The following SPIRE2 variants were observed in gnomAD, a reference collection of about 807,000 sequenced individuals.
SPIRE2 encodes the protein spire type actin nucleation factor 2.
SPIRE2 carries 76 observed loss-of-function variants against 80.7 expected under a neutral mutation model. The observed-to-expected ratio is 0.94, with a 90% CI of 0.78 to 1.14. The LOEUF is 1.14. SPIRE2 is among the 50% of genes most tolerant of loss of function. The pLI is 0.00. For missense variants in SPIRE2, 1,196 were observed against 1,015.3 expected (o/e 1.18, Z -2.42); for synonymous variants, 535 against 432.6 (o/e 1.24, Z -2.94).
chr16:89,842,199 G>C (rs2041512213), intron 1 of SPIRE2, among the ~76,000 whole-genome samples: 1 of 105,892 alleles, frequency 9.4e-6, no homozygotes, highest in South Asian at 3.3e-4. Flanking sequence ...TTAGATTCAT[G>C]AACACGTAAT....
intron 5 of SPIRE2, 87 bp from the exon 6 acceptor site, chr16:89,855,504 AGACCAGGCT>A (rs1180274745): frequency 1.6e-5 from 17 of 1,093,778 alleles, no homozygotes; most frequent in Non-Finnish European, 2.2e-5. Flanking sequence ...GTAGGTGCGA[AGACCAGGCT>A]GTCCTTGGGC....
rs148201713 is a variant in SPIRE2 at position 89,870,117 on chromosome 16, G to A, written c.1990G>A (p.Val664Ile). 3.6e-5 allele frequency: 58 copies of A among 1,613,576 alleles called. 1 individual carries two copies. In the Admixed American group the frequency reaches 6.7e-4, roughly 19 times the overall value. Residue 664 changes from valine (V) to isoleucine (I), a missense_variant, in exon 15 of 15, where the codon GTC (valine) becomes ATC (isoleucine). By Grantham distance (29) the Val-to-Ile change is conservative. Transcript: ENST00000378247. ...AFPHIYSHGC[V>I]LKDVCSECTS... Reference sequence around the variant, plus strand: ...CCCCCACATCTACTCCCACGGCTGTGTCCTGAAGGATGTCTGCAGTGAGTG... The same window carrying A: ...CCCCCACATCTACTCCCACGGCTGTATCCTGAAGGATGTCTGCAGTGAGTG...
At position 89,828,508 on chromosome 16, in the gene SPIRE2, A is replaced by T. The variant is rs998184744; in HGVS notation, c.-43A>T. On this transcript the variant is annotated 5_prime_UTR_variant, in exon 1 of 15. It removes an upstream start codon present in the reference 5' UTR. Coordinates refer to ENST00000378247, the MANE Select transcript of SPIRE2 (RefSeq NM_032451.2). The surrounding 1 kb of genome is among the most constrained non-coding windows in gnomAD (Gnocchi z 5.9). ...CCTGCGCGGCGGAAGGCGCGGCTGC[A>T]TGGACGCGGGTCCGGCGCGCGGGAG... 3.0e-4 allele frequency: 309 copies of T among 1,013,514 alleles called. No individual in the cohort carries two copies. The highest frequency in any genetic ancestry group is 3.5e-4 in the Non-Finnish European group (300 of 850,838). The allele number at this position is 1,013,514 out of a possible 1,614,324, so 62.8% of individuals were successfully genotyped here.
chr16:89,846,739 C>G (rs1340787374), intron 2 of SPIRE2: 1 of 150,820 alleles, frequency 6.6e-6, no homozygotes, highest in Non-Finnish European at 1.5e-5. Flanking sequence ...TCTCAAACTC[C>G]TGACCTCATG....
chr16:89,839,872 G>T (rs1160474695), intron 1 of SPIRE2, among the ~76,000 whole-genome samples: 1 of 152,262 alleles, frequency 6.6e-6, no homozygotes, highest in African/African-American at 2.4e-5. Flanking sequence ...TGGCCAGGGG[G>T]CCCTGGTGGC....
chr16:89,834,996 C>A (rs1268265621), intron 1 of SPIRE2, among the ~76,000 whole-genome samples: 1 of 149,040 alleles, frequency 6.7e-6, no homozygotes, highest in Admixed American at 6.7e-5. Flanking sequence ...CCGGGTGAAT[C>A]TGTGAACCTG....
At chr16:89,841,917 G>A (rs923579279) in intron 1 of SPIRE2, among the ~76,000 whole-genome samples, 4 of 151,826 alleles carry the variant, frequency 2.6e-5, no homozygotes, top group African/African-American at 7.3e-5. Flanking sequence ...TAGGAGAGGT[G>A]GGGTTTCTCC....
rs146839932 is a variant in SPIRE2 at position 89,860,696 on chromosome 16, G to A, written c.1476G>A (p.Ala492=). Residue 492 remains alanine, a synonymous_variant, in exon 10 of 15, where the codon GCG becomes GCA. Coordinates refer to ENST00000378247, the MANE Select transcript of SPIRE2 (RefSeq NM_032451.2). ...PGSRDQGTCP[A]SVSDPSHPLL... ...GCTCTCCCCCAGGTACCTGTCCCGC[G>A]AGTGTCTCTGACCCCAGCCACCCCC... 158 of 1,591,214 alleles carry A rather than the reference G, an allele frequency of 9.9e-5. No individual in the cohort carries two copies. The African/African-American group carries it at 1.6e-3, about 16-fold the overall frequency.
At chr16:89,835,378 C>T (rs2041438354) in intron 1 of SPIRE2, among the ~76,000 whole-genome samples, 1 of 152,202 alleles carries the variant, frequency 6.6e-6, no homozygotes. Flanking sequence ...TGGCCCCGTC[C>T]TCACTGCCAC....
At chr16:89,840,689 GCAA>G (rs1426418008) in intron 1 of SPIRE2, among the ~76,000 whole-genome samples, 4 of 142,758 alleles carry the variant, frequency 2.8e-5, no homozygotes, top group Non-Finnish European at 4.5e-5. Flanking sequence ...AGGCTGGAGT[GCAA>G]TGGCGCAATC....
At chr16:89,856,054 T>A in intron 6 of SPIRE2, 59 bp from the exon 7 acceptor site, 1 of 1,588,556 alleles carries the variant, frequency 6.3e-7, no homozygotes, top group South Asian at 1.1e-5. Flanking sequence ...CCACCGCAGG[T>A]CCCGCTTCCC....
At chr16:89,855,943 C>T (rs1002530791) in intron 6 of SPIRE2, 170 bp from the exon 7 acceptor site, 82 of 1,248,576 alleles carry the variant, frequency 6.6e-5, no homozygotes, top group Admixed American at 2.7e-5. Context: ...GAGCCCAGAG[C>T]CCCCTGGGAG....
intron 4 of SPIRE2, 30 bp downstream of exon 4, chr16:89,854,396 C>T: frequency 6.2e-7 from 1 of 1,611,524 alleles, no homozygotes; most frequent in Non-Finnish European, 8.5e-7. Context: ...GACCGGGCCA[C>T]TGACGCGGCC....
intron 1 of SPIRE2, among the ~76,000 whole-genome samples, chr16:89,835,621 C>T (rs913075794): frequency 3.9e-5 from 6 of 152,140 alleles, no homozygotes; most frequent in Non-Finnish European, 7.4e-5. Flanking sequence ...CAGAAGGTTT[C>T]GGCTCTGATC....
At chr16:89,858,304 C>A in intron 7 of SPIRE2, 34 bp from the exon 8 acceptor site, 1 of 1,526,560 alleles carries the variant, frequency 6.6e-7, no homozygotes, top group South Asian at 1.3e-5. Context: ...TCCCCGTTCA[C>A]TGGCCCGTCC....
At chr16:89,866,923 A>G (rs1214482895) in intron 12 of SPIRE2, among the ~76,000 whole-genome samples, 1 of 151,882 alleles carries the variant, frequency 6.6e-6, no homozygotes. Context: ...ATTTTTTATA[A>G]GAAGGTATTT....
At chr16:89,861,186 C>A (rs1272227918) in intron 10 of SPIRE2, among the ~76,000 whole-genome samples, 1 of 152,204 alleles carries the variant, frequency 6.6e-6, no homozygotes, top group East Asian at 1.9e-4. Context: ...CCCCTCTGCC[C>A]TCGGTTTCTT....
rs11339217 is a variant in SPIRE2 at position 89,832,992 on chromosome 16, C to T, written c.244+4198C>T. Reference sequence around the variant, plus strand: ...GCCTGCCACCAAACCCAGCTGATTTCTTTTTTTTTTTTTTGTGAGACAGAG... The same window carrying T: ...GCCTGCCACCAAACCCAGCTGATTTTTTTTTTTTTTTTTTGTGAGACAGAG... On this transcript the variant is annotated intron_variant, in intron 1 of 14. Transcript: ENST00000378247. 0.026 allele frequency among the ~76,000 whole-genome samples: 484 copies of T among 18,780 alleles called. 29 individuals are homozygous for T. The East Asian group carries it at 0.5, about 19-fold the overall frequency. The allele number at this position is 18,780 out of a possible 152,430, so 12.3% of individuals were successfully genotyped here. A position where few individuals can be genotyped will look rare whatever the true frequency, so the allele number is the denominator to read the frequency against.
chr16:89,861,451 C>T (rs1279250844), intron 10 of SPIRE2, among the ~76,000 whole-genome samples: 1 of 152,222 alleles, frequency 6.6e-6, no homozygotes, highest in Admixed American at 6.5e-5. Context: ...ATGCAAGGCA[C>T]TGTGCGTATC....
Sources: gnomAD v4.1 joint callset for allele counts (sites outside exome capture counted in the v4.1 genomes callset) on GRCh38, gnomAD v4.1.1 for gene constraint, Gnocchi (gnomAD v3.1) non-coding constraint, MANE v1.5 for transcripts, NCBI Gene and HGNC (gene_info 2026-07-23, HGNC 2026-07-21) for gene names.